Variants in MICU1 observed in about 807,000 individuals in gnomAD.
The protein encoded by MICU1 is calcium uptake protein 1, mitochondrial.
MICU1 carries 45 observed loss-of-function variants against 56.8 expected under a neutral mutation model. The observed-to-expected ratio is 0.79, with a 90% CI of 0.62 to 1.02. The LOEUF (loss-of-function observed/expected upper bound fraction) is 1.02, where lower values mean the gene tolerates loss of function less well. Ranked by LOEUF, MICU1 falls within the 50% of genes least tolerant of loss-of-function variation. The probability of loss-of-function intolerance (pLI) is 0.00; values close to 1 mark genes in which losing one functional copy is unlikely to be tolerated. For synonymous variants in MICU1, 186 were observed against 195.1 expected, an observed-to-expected ratio of 0.95 and a Z score of 0.39; for missense variants, 504 against 587.1, an observed-to-expected ratio of 0.86 and a Z score of 1.46.
chr10:72,377,949 T>C (rs909476032), intron 10 of MICU1, among the ~76,000 whole-genome samples: 4 of 152,322 alleles, frequency 2.6e-5, no homozygotes, highest in South Asian at 4.1e-4. Flanking sequence ...CCAAATCTCA[T>C]GTCAAATTGT....
intron 8 of MICU1, among the ~76,000 whole-genome samples, chr10:72,428,615 T>A (rs1043180565): frequency 2.6e-5 from 4 of 152,146 alleles, no homozygotes; most frequent in African/African-American, 9.7e-5. Context: ...CTGGCCTCCT[T>A]CCATTTAAAA....
chr10:72,624,863 A>G (rs1257574975), intron 1 of MICU1, among the ~76,000 whole-genome samples: 1 of 152,222 alleles, frequency 6.6e-6, no homozygotes, highest in Admixed American at 6.5e-5. Flanking sequence ...AATGGGTTCT[A>G]AAGTTTTTAG....
intron 11 of MICU1, among the ~76,000 whole-genome samples, chr10:72,374,199 C>T (rs1321794539): frequency 6.6e-6 from 1 of 152,242 alleles, no homozygotes; most frequent in Non-Finnish European, 1.5e-5. Flanking sequence ...TGGCTCACTG[C>T]AGTCTTGACT....
chr10:72,383,007 C>T (rs1767223419), intron 10 of MICU1, among the ~76,000 whole-genome samples: 1 of 152,186 alleles, frequency 6.6e-6, no homozygotes, highest in South Asian at 2.1e-4. Context: ...GTGGCTCATG[C>T]TTATAATCCT....
chr10:72,518,134 G>T (rs1867707900), intron 5 of MICU1, among the ~76,000 whole-genome samples: 1 of 151,706 alleles, frequency 6.6e-6, no homozygotes, highest in African/African-American at 2.4e-5. Context: ...CCAGGTTCAA[G>T]CGATTCTCCT....
At chr10:72,620,019 A>G (rs1370439666) in intron 1 of MICU1, among the ~76,000 whole-genome samples, 1 of 152,178 alleles carries the variant, frequency 6.6e-6, no homozygotes, top group Non-Finnish European at 1.5e-5. Context: ...ATGGTAGGCA[A>G]AGTATTCATG....
intron 8 of MICU1, among the ~76,000 whole-genome samples, chr10:72,441,751 G>T (rs1027190988): frequency 2.0e-5 from 3 of 151,020 alleles, no homozygotes; most frequent in South Asian, 2.1e-4. Context: ...CAAGTAGCTG[G>T]GACTACAGGC....
chr10:72,563,093 A>T (rs1840341145), intron 2 of MICU1, 30 bp from the exon 3 acceptor site: 1 of 1,465,050 alleles, frequency 6.8e-7, no homozygotes, highest in Admixed American at 2.6e-5. Flanking sequence ...ATCTAGATTA[A>T]TCTTGAACGT....
chr10:72,416,629 G>A (rs1863992091), intron 9 of MICU1, among the ~76,000 whole-genome samples: 1 of 152,160 alleles, frequency 6.6e-6, no homozygotes, highest in South Asian at 2.1e-4. Context: ...CATACACACA[G>A]AAGGCTGTTG....
intron 4 of MICU1, among the ~76,000 whole-genome samples, chr10:72,547,551 A>G (rs1026152084): frequency 3.3e-5 from 5 of 150,320 alleles, no homozygotes; most frequent in Non-Finnish European, 7.4e-5. Context: ...ATATATATAT[A>G]AAGTCTATTA....
At chr10:72,624,545 G>C (rs1842184028) in intron 1 of MICU1, among the ~76,000 whole-genome samples, 1 of 152,150 alleles carries the variant, frequency 6.6e-6, no homozygotes, top group African/African-American at 2.4e-5. Flanking sequence ...ACAATCTACT[G>C]AATATAGTAA....
chr10:72,431,798 GA>G (rs756842885), intron 8 of MICU1, among the ~76,000 whole-genome samples: 44 of 152,068 alleles, frequency 2.9e-4, no homozygotes, highest in Non-Finnish European at 4.3e-4. Context: ...TTAATTTCCA[GA>G]AAAATGTATC....
chr10:72,498,422 T>C (rs563997521), intron 6 of MICU1, among the ~76,000 whole-genome samples: 12 of 152,044 alleles, frequency 7.9e-5, no homozygotes, highest in Admixed American at 5.2e-4. Flanking sequence ...CCCGTCTCTA[T>C]TAAAAGTACA....
chr10:72,511,008 T>C (rs558806861), intron 5 of MICU1, among the ~76,000 whole-genome samples: 3 of 152,336 alleles, frequency 2.0e-5, no homozygotes, highest in African/African-American at 4.8e-5. Flanking sequence ...TGATCAAGGA[T>C]GTAATCCACA....
At chr10:72,530,246 G>A (rs1323845283) in intron 5 of MICU1, among the ~76,000 whole-genome samples, 2 of 150,648 alleles carry the variant, frequency 1.3e-5, no homozygotes, top group Non-Finnish European at 3.0e-5. Flanking sequence ...CAGGAGAATC[G>A]CTTGGGAACC....
chr10:72,403,629 T>TTGTGTGTGTGTGTGTGTGTG (rs60373032), intron 10 of MICU1, among the ~76,000 whole-genome samples: 5 of 139,824 alleles, frequency 3.6e-5, no homozygotes, highest in Non-Finnish European at 6.2e-5. Flanking sequence ...CATACCAAAA[T>TTGTGTGTGTGTGTGTGTGTG]TGTGTGTGTG....
chr10:72,551,037 G>T, intron 4 of MICU1, 142 bp downstream of exon 4: 1 of 838,360 alleles, frequency 1.2e-6, no homozygotes, highest in Non-Finnish European at 1.7e-6. Flanking sequence ...CTAAAGCCTA[G>T]CACAATGCCT....
chr10:72,454,498 A>G (rs34176386), intron 8 of MICU1, among the ~76,000 whole-genome samples: 97,749 of 149,446 alleles, frequency 0.65, 32,718 homozygotes, highest in African/African-American at 0.76. Context: ...AACTGTAGTC[A>G]TGGGCCAGGC....
chr10:72,523,729 A>T, intron 5 of MICU1: 1 of 1,047,482 alleles, frequency 9.5e-7, no homozygotes, highest in Non-Finnish European at 1.3e-6. Context: ...GTAATATTTT[A>T]ATGAATAAAT....
Sources: gnomAD v4.1 joint callset for allele counts (sites outside exome capture counted in the v4.1 genomes callset) on GRCh38, gnomAD v4.1.1 for gene constraint, MANE v1.5 for transcripts, NCBI Gene and HGNC (gene_info 2026-07-23, HGNC 2026-07-21) for gene names.